Variants in TNFSF4 observed in about 807,000 individuals in gnomAD.
TNFSF4 encodes tumor necrosis factor ligand superfamily member 4.
A neutral mutation model predicts 7.3 loss-of-function variants in TNFSF4; 4 were observed. The ratio of observed to expected loss-of-function variants is 0.55; its 90% CI spans 0.27 to 1.25. TNFSF4 has a LOEUF of 1.25. Among genes scored for constraint, TNFSF4 ranks in the 50% most tolerant of loss-of-function variants. The probability of loss-of-function intolerance (pLI) is 0.12; values close to 1 mark genes in which losing one functional copy is unlikely to be tolerated. For synonymous variants in TNFSF4, 76 were observed against 83.7 expected (o/e 0.91, Z 0.50); for missense variants, 181 against 208.8 (o/e 0.87, Z 0.82).
chr1:173,444,968 A>C, the TNFSF4 span, among the ~76,000 whole-genome samples: 1 of 152,242 alleles, frequency 6.6e-6, no homozygotes, highest in Non-Finnish European at 1.5e-5. Flanking sequence ...AATGAAAGCC[A>C]CAAGTAAAAA....
chr1:173,263,102 A>T, the TNFSF4 span, among the ~76,000 whole-genome samples: 1 of 152,240 alleles, frequency 6.6e-6, no homozygotes. Flanking sequence ...CTTCAAGGAC[A>T]AGTACAAACC....
the TNFSF4 span, among the ~76,000 whole-genome samples, chr1:173,426,379 GGCT>G: frequency 6.6e-6 from 1 of 152,094 alleles, no homozygotes; most frequent in Admixed American, 6.5e-5. Flanking sequence ...TTGTTTCCAT[GGCT>G]GCTTCTTTAG....
At chr1:173,231,566 A>G in the TNFSF4 span, among the ~76,000 whole-genome samples, 2 of 152,210 alleles carry the variant, frequency 1.3e-5, no homozygotes, top group Non-Finnish European at 2.9e-5. Context: ...CACCACTCCT[A>G]TTCAACGTAG....
chr1:173,186,656 A>G lies in TNFSF4; in HGVS notation c.412T>C (p.Leu138=). Residue 138 remains leucine, a synonymous_variant, in exon 3 of 3, where the codon TTG becomes CTG. Coordinates refer to ENST00000281834, the MANE Select transcript of TNFSF4 (RefSeq NM_003326.5). ...TTGTAAGTCAGAGAGGCCACCATCA[A>G]GGAGTTGACAGACCTGACCTTCTTC... ...QLKKVRSVNS[L]MVASLTYKDK... 6.2e-7 allele frequency: 1 copy of G among 1,614,202 alleles called. No individual in the cohort carries two copies. The highest frequency in any genetic ancestry group is 8.5e-7 in the Non-Finnish European group (1 of 1,180,024).
chr1:173,205,187 A>G, intron 1 of TNFSF4: 1 of 1,175,992 alleles, frequency 8.5e-7, no homozygotes, highest in Non-Finnish European at 1.2e-6. Context: ...CAAAAAAAAG[A>G]AATCTATTTT....
chr1:173,290,479 T>C, the TNFSF4 span, among the ~76,000 whole-genome samples: 3 of 151,844 alleles, frequency 2.0e-5, no homozygotes, highest in Admixed American at 6.6e-5. Flanking sequence ...TCAAAAATAA[T>C]AAAAAACAAT....
the TNFSF4 span, among the ~76,000 whole-genome samples, chr1:173,398,416 T>TC: frequency 8.9e-5 from 13 of 146,812 alleles, no homozygotes; most frequent in African/African-American, 3.0e-4. Context: ...TTTCTTTTTT[T>TC]TTTTTTTTTT....
the TNFSF4 span, among the ~76,000 whole-genome samples, chr1:173,218,690 A>G: frequency 6.6e-6 from 1 of 152,222 alleles, no homozygotes; most frequent in East Asian, 1.9e-4. Flanking sequence ...GTTATTGCCA[A>G]CTTAGCAAAT....
the TNFSF4 span, among the ~76,000 whole-genome samples, chr1:173,242,880 A>G: frequency 2.0e-5 from 3 of 151,944 alleles, no homozygotes; most frequent in African/African-American, 7.3e-5. Flanking sequence ...AAAATAATAA[A>G]TGTTTGTTGT....
chr1:173,283,921 T>C, the TNFSF4 span, among the ~76,000 whole-genome samples: 1 of 130,006 alleles, frequency 7.7e-6, no homozygotes, highest in African/African-American at 2.9e-5. Context: ...GGTCAACTTA[T>C]GAATGCAAAA....
the TNFSF4 span, among the ~76,000 whole-genome samples, chr1:173,313,305 G>A: frequency 1.6e-4 from 25 of 152,086 alleles, no homozygotes; most frequent in East Asian, 4.6e-3. Flanking sequence ...CATTTTAATA[G>A]AAAGTTTAAA....
chr1:173,224,024 C>T, the TNFSF4 span, among the ~76,000 whole-genome samples: 1 of 152,284 alleles, frequency 6.6e-6, no homozygotes, highest in East Asian at 1.9e-4. Context: ...GTGATTTCCT[C>T]CTCAGAAAAG....
the TNFSF4 span, among the ~76,000 whole-genome samples, chr1:173,329,908 C>T: frequency 2.0e-5 from 3 of 151,892 alleles, no homozygotes; most frequent in African/African-American, 7.3e-5. Flanking sequence ...CTTAAAAATG[C>T]CAGTGTCATC....
chr1:173,232,423 A>G, the TNFSF4 span, among the ~76,000 whole-genome samples: 4 of 152,256 alleles, frequency 2.6e-5, no homozygotes, highest in Non-Finnish European at 5.9e-5. Flanking sequence ...AACAGGGACA[A>G]TTTGACTTCC....
At chr1:173,206,982 G>A (rs1370759361) in intron 1 of TNFSF4, 42 bp downstream of exon 1, 3 of 1,560,224 alleles carry the variant, frequency 1.9e-6, no homozygotes, top group Admixed American at 3.5e-5. Context: ...GCTGCCATCA[G>A]CATGAGCTGG....
At chr1:173,351,621 A>G in the TNFSF4 span, 1 of 229,538 alleles carries the variant, frequency 4.4e-6, no homozygotes, top group East Asian at 9.3e-5. Flanking sequence ...CAAAGATACA[A>G]TGTACCATAA....
the TNFSF4 span, among the ~76,000 whole-genome samples, chr1:173,374,878 A>G: frequency 1.3e-5 from 2 of 152,214 alleles, no homozygotes; most frequent in African/African-American, 4.8e-5. Flanking sequence ...AACCACTGCT[A>G]CAGGAACTGG....
the TNFSF4 span, among the ~76,000 whole-genome samples, chr1:173,377,253 C>G: frequency 1.3e-5 from 2 of 152,156 alleles, no homozygotes; most frequent in Non-Finnish European, 2.9e-5. Flanking sequence ...CCTATTTTTC[C>G]TTAGAATTTC....
the TNFSF4 span, among the ~76,000 whole-genome samples, chr1:173,359,790 A>G: frequency 6.6e-6 from 1 of 152,228 alleles, no homozygotes; most frequent in African/African-American, 2.4e-5. Flanking sequence ...TTCAGGACAC[A>G]TAGAGAAAGT....
Sources: allele counts gnomAD v4.1 joint callset (sites outside exome capture counted in the v4.1 genomes callset), GRCh38; gene constraint gnomAD v4.1.1; transcripts MANE v1.5; gene names NCBI Gene and HGNC (gene_info 2026-07-23, HGNC 2026-07-21).